The following RAB8B variants were observed in gnomAD, a reference collection of about 807,000 sequenced individuals.
RAB8B encodes RAB8B, member RAS oncogene family.
A neutral mutation model predicts 32.0 loss-of-function variants in RAB8B; 11 were observed. That is an observed-to-expected ratio of 0.34 (90% CI 0.22 to 0.57). The LOEUF (loss-of-function observed/expected upper bound fraction) is 0.57. Ranked by LOEUF, RAB8B falls within the 20% of genes least tolerant of loss-of-function variation. The pLI is 0.86. For synonymous variants in RAB8B, 103 were observed against 89.6 expected, an observed-to-expected ratio of 1.15 and a Z score of -0.85; for missense variants, 190 against 258.5, an observed-to-expected ratio of 0.73 and a Z score of 1.82.
chr15:63,226,193 G>A (rs1249266841), intron 1 of RAB8B, among the ~76,000 whole-genome samples: 1 of 152,146 alleles, frequency 6.6e-6, no homozygotes, highest in Non-Finnish European at 1.5e-5. Context: ...TAGTCAATCT[G>A]ATTTTCGCTA....
At chr15:63,211,678 C>T (rs911010985) in intron 1 of RAB8B, among the ~76,000 whole-genome samples, 1 of 152,018 alleles carries the variant, frequency 6.6e-6, no homozygotes, top group Non-Finnish European at 1.5e-5. Context: ...TTTTGCCAAG[C>T]ACCGCATTTT....
At chr15:63,240,229 G>A (rs1466221307) in intron 1 of RAB8B, among the ~76,000 whole-genome samples, 1 of 152,170 alleles carries the variant, frequency 6.6e-6, no homozygotes, top group Non-Finnish European at 1.5e-5. Context: ...GTGACATGTA[G>A]GGGAATTAGA....
In RAB8B at chr15:63,223,790, G is replaced by C. The variant is rs2037866841; in HGVS notation, c.125-20966G>C. 5 of 378,932 alleles carry C rather than the reference G, an allele frequency of 1.3e-5. No individual in the cohort carries two copies. In the Admixed American group the frequency reaches 1.6e-4, roughly 12 times the overall value. 23.5% of individuals were successfully genotyped at this position (378,932 alleles called of 1,614,324 possible). ...TCTTTTTCCTGACTAGACCCTGACT[G>C]ATACACTGTTCCAAAAAAGGAGTTT... On this transcript the variant is annotated intron_variant, in intron 1 of 7. Transcript: ENST00000321437.
chr15:63,214,946 TC>T (rs1271804115), intron 1 of RAB8B, among the ~76,000 whole-genome samples: 3 of 152,228 alleles, frequency 2.0e-5, no homozygotes, highest in African/African-American at 7.2e-5. Flanking sequence ...CAGCTCTCTG[TC>T]CTCAGACCTT....
At chr15:63,205,378 G>C (rs943291977) in intron 1 of RAB8B, among the ~76,000 whole-genome samples, 35 of 152,208 alleles carry the variant, frequency 2.3e-4, no homozygotes, top group African/African-American at 8.4e-4. Flanking sequence ...TGCGCCTGTA[G>C]TCCCAGCTAT....
At chr15:63,237,668 T>C (rs1391263049) in intron 1 of RAB8B, among the ~76,000 whole-genome samples, 1 of 152,204 alleles carries the variant, frequency 6.6e-6, no homozygotes, top group Admixed American at 6.5e-5. Flanking sequence ...AAATATTTTT[T>C]CCCATTCTGT....
intron 1 of RAB8B, among the ~76,000 whole-genome samples, chr15:63,222,652 C>T (rs1275448189): frequency 6.6e-6 from 1 of 152,176 alleles, no homozygotes; most frequent in Non-Finnish European, 1.5e-5. Context: ...ATTCTCCTGC[C>T]TCAGCCTCCC....
At chr15:63,251,576 T>C (rs528137907) in intron 3 of RAB8B, among the ~76,000 whole-genome samples, 55 of 152,332 alleles carry the variant, frequency 3.6e-4, no homozygotes, top group African/African-American at 1.2e-3. Flanking sequence ...AGGATTGTCT[T>C]AATTTACTTA....
intron 1 of RAB8B, among the ~76,000 whole-genome samples, chr15:63,219,056 G>T (rs1478010370): frequency 7.8e-6 from 1 of 128,458 alleles, no homozygotes; most frequent in Non-Finnish European, 1.6e-5. Context: ...ATCACCAGGT[G>T]CCGGGAGACT....
chr15:63,196,199 G>A (rs1047145879), intron 1 of RAB8B, among the ~76,000 whole-genome samples: 2 of 152,156 alleles, frequency 1.3e-5, no homozygotes, highest in Non-Finnish European at 2.9e-5. Context: ...TACAATAAGG[G>A]CCAAACAGAC....
chr15:63,228,682 C>G (rs1277041321), intron 1 of RAB8B, among the ~76,000 whole-genome samples: 4 of 152,342 alleles, frequency 2.6e-5, no homozygotes, highest in Non-Finnish European at 5.9e-5. Flanking sequence ...TTCACACTAG[C>G]TCTTTCAGAT....
intron 1 of RAB8B, among the ~76,000 whole-genome samples, chr15:63,220,747 T>C (rs983321357): frequency 2.0e-5 from 3 of 152,140 alleles, no homozygotes; most frequent in African/African-American, 7.2e-5. Flanking sequence ...TCAAGAAATG[T>C]TTATTGAGTG....
chr15:63,251,236 T>C (rs1043539008), intron 3 of RAB8B: 1 of 455,500 alleles, frequency 2.2e-6, no homozygotes, highest in Non-Finnish European at 4.4e-6. Flanking sequence ...AGGGGCTTAT[T>C]ATATGTGCCA....
intron 1 of RAB8B, among the ~76,000 whole-genome samples, chr15:63,229,665 C>G (rs2037918331): frequency 6.6e-6 from 1 of 151,216 alleles, no homozygotes. Context: ...CCTGTAATTC[C>G]AGCTACTCAG....
Position 63,247,640 on chromosome 15 carries a change from A to T in RAB8B, c.186-2005A>T, listed in dbSNP as rs559266126. Among the ~76,000 whole-genome samples the T allele has an allele frequency of 2.0e-5, 3 of 152,376 alleles. No homozygotes were observed. In the South Asian group the frequency reaches 6.2e-4, roughly 32 times the overall value. ...TGTATTGATGACAGCAGTAGACAAA[A>T]CGTAGAATTCAGAGCAGCACTGGCT... On this transcript the variant is annotated intron_variant, in intron 2 of 7. Transcript: ENST00000321437.
At chr15:63,233,377 C>T (rs2037952148) in intron 1 of RAB8B, among the ~76,000 whole-genome samples, 2 of 152,026 alleles carry the variant, frequency 1.3e-5, no homozygotes, top group African/African-American at 4.8e-5. Context: ...ATCTAAGTAA[C>T]ATTCTTGATT....
intron 1 of RAB8B, among the ~76,000 whole-genome samples, chr15:63,195,532 G>A (rs1355831304): frequency 2.0e-5 from 3 of 152,228 alleles, no homozygotes; most frequent in East Asian, 3.8e-4. Context: ...TTTAGATATT[G>A]TTTTAGAGGT....
intron 5 of RAB8B, among the ~76,000 whole-genome samples, chr15:63,258,003 C>T (rs1265445160): frequency 1.3e-5 from 2 of 148,304 alleles, no homozygotes; most frequent in Admixed American, 6.8e-5. Flanking sequence ...GCGGAGGTTG[C>T]AGTGAGCTGA....
chr15:63,266,815 C>G lies in RAB8B; in HGVS notation c.*3196C>G, dbSNP rs1381372299. On this transcript the variant is annotated 3_prime_UTR_variant, in exon 8 of 8. Coordinates refer to ENST00000321437, the MANE Select transcript of RAB8B (RefSeq NM_016530.3). ...CTCCATTTTACAGGTTCTGAATGCT[C>G]AGAGTCTATATTAAGGCTTATAAAG... The G allele has an allele frequency of 1.3e-5, 2 of 152,608 alleles. No homozygotes were observed. The highest frequency in any genetic ancestry group is 6.5e-5 in the Admixed American group (1 of 15,284). The allele number at this position is 152,608 out of a possible 1,614,324, so 9.5% of individuals were successfully genotyped here.
Sources: gnomAD v4.1 joint callset for allele counts (sites outside exome capture counted in the v4.1 genomes callset) on GRCh38, gnomAD v4.1.1 for gene constraint, MANE v1.5 for transcripts, NCBI Gene and HGNC (gene_info 2026-07-23, HGNC 2026-07-21) for gene names.